The following FMR1NB variants were observed in gnomAD, a reference collection of about 807,000 sequenced individuals.
FMR1NB encodes the protein FMR1 neighbor protein.
A neutral mutation model predicts 16.8 loss-of-function variants in FMR1NB; 10 were observed. The ratio of observed to expected loss-of-function variants is 0.60; its 90% CI spans 0.37 to 1.01. The LOEUF (loss-of-function observed/expected upper bound fraction) is 1.01, where lower values mean the gene tolerates loss of function less well. Ranked by LOEUF, FMR1NB falls within the 50% of genes least tolerant of loss-of-function variation. The pLI is 0.01. For synonymous variants in FMR1NB, 83 were observed against 79.1 expected, an observed-to-expected ratio of 1.05 and a Z score of -0.26; for missense variants, 205 against 204.8, an observed-to-expected ratio of 1.00 and a Z score of 0.00.
intron 1 of FMR1NB, among the ~76,000 whole-genome samples, chrX:147,982,849 G>A (rs1334515259): frequency 2.7e-5 from 3 of 111,273 alleles, no homozygotes; most frequent in Non-Finnish European, 5.7e-5. Context: ...AGCCAAGATC[G>A]CGCCACTACA....
intron 1 of FMR1NB, among the ~76,000 whole-genome samples, chrX:147,990,024 GT>G (rs1264210485): frequency 1.0e-5 from 1 of 95,489 alleles, no homozygotes; most frequent in Non-Finnish European, 2.1e-5. Flanking sequence ...GGGGTTCCAG[GT>G]GCCACTGGGC....
At chrX:148,005,515 G>A (rs1165949098) in intron 2 of FMR1NB, among the ~76,000 whole-genome samples, 5 of 111,811 alleles carry the variant, frequency 4.5e-5, no homozygotes, top group African/African-American at 1.6e-4. Flanking sequence ...AGATTACTTA[G>A]AATATAGAAC....
chrX:148,009,017 TA>T (rs201545559), intron 4 of FMR1NB, among the ~76,000 whole-genome samples: 8 of 107,789 alleles, frequency 7.4e-5, no homozygotes, highest in African/African-American at 2.7e-4. Context: ...CCGTTTCTAT[TA>T]AAAAAAAATA....
In FMR1NB at chrX:147,981,649, TG is replaced by T; in HGVS notation, c.248del (p.Cys83SerfsTer44). On this transcript the variant is annotated frameshift_variant, in exon 1 of 6. Coordinates refer to ENST00000370467, the MANE Select transcript of FMR1NB (RefSeq NM_152578.3). LOFTEE classifies it high-confidence loss of function. Reference protein sequence around the residue: ...MLSIWILLFVCYYLSYYLCSG... With the variant: ...MLSIWILLFVXYYLSYYLCSG... ...CTCCATTTGGATCCTGCTGTTCGTGTGCTACTACCTGTCCTACTACCTGTGC... is the reference window on the plus strand; with the variant it reads ...CTCCATTTGGATCCTGCTGTTCGTGTCTACTACCTGTCCTACTACCTGTGC... The T allele has an allele frequency of 8.5e-7, 1 of 1,181,137 alleles. No individual in the cohort carries two copies. The highest frequency in any genetic ancestry group is 2.2e-5 in the Admixed American group (1 of 44,506).
rs186023123 is a variant in FMR1NB at position 147,992,909 on chromosome X, C to T, written c.278-10292C>T. On this transcript the variant is annotated intron_variant, in intron 1 of 5. Transcript: ENST00000370467. ...CTTCCTAGATGGGATGGCGGCCGGGCGGAGATGCTCCTCACTTTCCAGGCT... is the reference window on the plus strand; with the variant it reads ...CTTCCTAGATGGGATGGCGGCCGGGTGGAGATGCTCCTCACTTTCCAGGCT... 7.2e-3 allele frequency among the ~76,000 whole-genome samples: 706 copies of T among 97,403 alleles called. 18 individuals carry two copies. Among genetic ancestry groups the T allele is most frequent in the East Asian group, 0.058 (181 of 3,140 alleles). 84.6% of individuals were successfully genotyped at this position (97,403 alleles called of 115,157 possible). A position where few individuals can be genotyped will look rare whatever the true frequency, so the allele number is the denominator to read the frequency against.
chrX:148,017,546 T>A (rs182065682), intron 4 of FMR1NB, among the ~76,000 whole-genome samples: 5,882 of 110,221 alleles, frequency 0.053, 282 homozygotes, highest in African/African-American at 0.15. Flanking sequence ...TTCTTTTTTT[T>A]AATTTTTTAA....
intron 1 of FMR1NB, among the ~76,000 whole-genome samples, chrX:147,985,371 T>C (rs782773586): frequency 9.8e-5 from 11 of 111,825 alleles, no homozygotes; most frequent in Non-Finnish European, 1.9e-4. Context: ...CGTGCAGGTT[T>C]GTTACACAGG....
chrX:148,017,955 T>C (rs2124627374), intron 4 of FMR1NB, among the ~76,000 whole-genome samples: 1 of 107,246 alleles, frequency 9.3e-6, no homozygotes, highest in Admixed American at 9.9e-5. Flanking sequence ...GACATTTGGG[T>C]TGGTTCCAAG....
At chrX:148,006,574 C>A in intron 2 of FMR1NB, 128 bp from the exon 3 acceptor site, 1 of 635,726 alleles carries the variant, frequency 1.6e-6, no homozygotes, top group South Asian at 4.1e-5. Context: ...TTTCTTTTAG[C>A]ACCCATCATT....
chrX:148,004,290 A>C (rs1440273715), intron 2 of FMR1NB, among the ~76,000 whole-genome samples: 1 of 112,345 alleles, frequency 8.9e-6, no homozygotes, highest in African/African-American at 3.2e-5. Flanking sequence ...TTTAAGCTTT[A>C]AAGCTTATGA....
intron 1 of FMR1NB, among the ~76,000 whole-genome samples, chrX:147,992,797 G>A (rs1454224660): frequency 7.0e-5 from 5 of 71,622 alleles, no homozygotes; most frequent in Admixed American, 2.8e-4. Context: ...GGGCAGAGGC[G>A]CTCCCCACAT....
intron 1 of FMR1NB, among the ~76,000 whole-genome samples, chrX:147,985,037 G>A (rs1207295565): frequency 8.9e-6 from 1 of 111,864 alleles, no homozygotes; most frequent in Non-Finnish European, 1.9e-5. Context: ...TAGTCATTGT[G>A]TATAATCCTT....
intron 1 of FMR1NB, among the ~76,000 whole-genome samples, chrX:147,983,746 T>C (rs2044462707): frequency 8.9e-6 from 1 of 112,077 alleles, no homozygotes; most frequent in African/African-American, 3.2e-5. Flanking sequence ...GAAAGTTCAA[T>C]TTATCTATTT....
Position 148,003,283 on chromosome X carries a change from C to T in FMR1NB, c.360C>T (p.Ser120=), listed in dbSNP as rs2044580243. ...ATGGCCAATCTCTGGAAGAAGATTC[C>T]GCATTGGAAGCTTTGCTGAATTTTT... The part of the protein sequence containing the change: ...NAHGQSLEED[S]ALEALLNFFF... The change falls in exon 2 of 6, where the codon TCC becomes TCT. Residue 120 remains serine (S), a synonymous_variant. Coordinates refer to ENST00000370467, the MANE Select transcript of FMR1NB (RefSeq NM_152578.3). The T allele has an allele frequency of 1.2e-5, 14 of 1,209,251 alleles. No homozygotes were observed. Among genetic ancestry groups the T allele is most frequent in the Admixed American group, 4.4e-5 (2 of 45,722 alleles).
chrX:147,984,920 C>CT (rs782038413), intron 1 of FMR1NB, among the ~76,000 whole-genome samples: 3 of 111,733 alleles, frequency 2.7e-5, no homozygotes, highest in Non-Finnish European at 5.6e-5. Context: ...TTGTCAGATG[C>CT]TTTTTTTGCA....
At chrX:147,994,680 C>T (rs782380038) in intron 1 of FMR1NB, among the ~76,000 whole-genome samples, 2 of 112,108 alleles carry the variant, frequency 1.8e-5, no homozygotes, top group African/African-American at 3.2e-5. Context: ...AAAAAGAATA[C>T]TGTCTAATTC....
At chrX:148,013,804 C>A (rs1412817436) in intron 4 of FMR1NB, among the ~76,000 whole-genome samples, 1 of 111,794 alleles carries the variant, frequency 8.9e-6, no homozygotes, top group Non-Finnish European at 1.9e-5. Flanking sequence ...AACTCATTTT[C>A]TTTTTCTCCT....
In FMR1NB at chrX:148,003,106, A is replaced by G. The variant is rs973835614; in HGVS notation, c.278-95A>G. 7 of 879,198 alleles carry G rather than the reference A, an allele frequency of 8.0e-6. No individual in the cohort carries two copies. In the Admixed American group the frequency reaches 8.7e-5, roughly 11 times the overall value. The allele number at this position is 879,198 out of a possible 1,213,427, so 72.5% of individuals were successfully genotyped here. The stretch of plus-strand genomic sequence containing the variant: ...ATATCTGTTAGCTATTTGACATTCT[A>G]TAATTAATTTAAGCAAAGGTAATTA... On this transcript the variant is annotated intron_variant, in intron 1 of 5. Coordinates refer to ENST00000370467, the MANE Select transcript of FMR1NB (RefSeq NM_152578.3).
At position 147,992,835 on chromosome X, in the gene FMR1NB, C is replaced by T. The variant is rs1275798604; in HGVS notation, c.278-10366C>T. ...CAGATGATGGGTGGCCGGGCAGAGA[C>T]GCTCCTCACTTCCTAGATGTGATGG... On this transcript the variant is annotated intron_variant, in intron 1 of 5. Transcript: ENST00000370467. Among the ~76,000 whole-genome samples, 5 of 79,942 alleles carry T rather than the reference C, an allele frequency of 6.3e-5. 1 individual carries two copies. Among genetic ancestry groups the T allele is most frequent in the South Asian group, 7.3e-4 (1 of 1,374 alleles). The allele number at this position is 79,942 out of a possible 115,157, so 69.4% of individuals were successfully genotyped here. A position where few individuals can be genotyped will look rare whatever the true frequency, so the allele number is the denominator to read the frequency against.
Sources: gnomAD v4.1 joint callset for allele counts (sites outside exome capture counted in the v4.1 genomes callset) on GRCh38, gnomAD v4.1.1 for gene constraint, MANE v1.5 for transcripts, NCBI Gene and HGNC (gene_info 2026-07-23, HGNC 2026-07-21) for gene names.